FBN3: variants seen among roughly 807,000 people sequenced by gnomAD.
FBN3 encodes the protein fibrillin 3.
In FBN3, 234 loss-of-function variants were observed where a neutral mutation model predicts 330.1. That is an observed-to-expected ratio of 0.71 (90% CI 0.64 to 0.79). The LOEUF is 0.79. FBN3 is among the 30% of genes least tolerant of loss of function. FBN3 has a pLI of 0.00. For synonymous variants in FBN3, 1,458 were observed against 1,517.3 expected, an observed-to-expected ratio of 0.96 and a Z score of 0.91; for missense variants, 3,606 against 3,886.9, an observed-to-expected ratio of 0.93 and a Z score of 1.92.
Position 8,096,407 on chromosome 19 carries a change from C to T in FBN3, c.5539+37G>A, listed in dbSNP as rs768648578. 1 of 1,597,792 alleles carries T rather than the reference C, an allele frequency of 6.3e-7. No individual in the cohort carries two copies. Among genetic ancestry groups the T allele is most frequent in the Non-Finnish European group, 8.5e-7 (1 of 1,170,388 alleles). ...CAGGGGAGGTTTAGACCCCAGGCAG[C>T]CTGGCTTGAAAAGGAGGGGGAAGAT... On this transcript the variant is annotated intron_variant, in intron 44 of 63. Transcript: ENST00000600128. This position sits in a 1 kb window ranked among gnomAD's most constrained non-coding sequence, Gnocchi z 4.6.
intron 13 of FBN3, 25 bp downstream of exon 13, chr19:8,135,936 G>GGCCACCCCCCCC: frequency 1.5e-6 from 1 of 668,778 alleles, no homozygotes; most frequent in Non-Finnish European, 2.4e-6. Flanking sequence ...GGAAGCCCCT[G>GGCCACCCCCCCC]CCCACCCGCC....
intron 38 of FBN3, 78 bp from the exon 39 acceptor site, chr19:8,103,765 A>G: frequency 6.9e-7 from 1 of 1,442,812 alleles, no homozygotes. Flanking sequence ...CCAGAGACCC[A>G]GCAAGGCCAC....
chr19:8,116,019 A>G (rs1331928209), intron 29 of FBN3, among the ~76,000 whole-genome samples: 1 of 152,164 alleles, frequency 6.6e-6, no homozygotes, highest in African/African-American at 2.4e-5. Context: ...GGCATGGAGC[A>G]GACTGCATTC....
At chr19:8,088,301 C>T (rs1023971651) in intron 51 of FBN3, 122 bp from the exon 52 acceptor site, 1 of 1,241,466 alleles carries the variant, frequency 8.1e-7, no homozygotes, top group Non-Finnish European at 1.1e-6. Flanking sequence ...CACCTCTAGT[C>T]TGGCTATGGG....
intron 30 of FBN3, 74 bp downstream of exon 30, chr19:8,115,441 T>A (rs2082683988): frequency 1.3e-6 from 2 of 1,546,196 alleles, no homozygotes; most frequent in African/African-American, 2.7e-5. Context: ...CCCTGGGGGA[T>A]GGAAACAGAC....
At chr19:8,080,356 T>A (rs1430108489) in intron 59 of FBN3, among the ~76,000 whole-genome samples, 1 of 152,220 alleles carries the variant, frequency 6.6e-6, no homozygotes, top group Non-Finnish European at 1.5e-5. Flanking sequence ...GATGCCCTTG[T>A]GGCTTTAGCT....
intron 46 of FBN3, 67 bp from the exon 47 acceptor site, chr19:8,094,632 C>G (rs1271317612): frequency 6.5e-7 from 1 of 1,542,420 alleles, no homozygotes; most frequent in East Asian, 2.3e-5. Context: ...GGGACTGGGA[C>G]CAACACCTGC....
At chr19:8,074,857 A>C (rs2081602555) in intron 61 of FBN3, 1 of 542,244 alleles carries the variant, frequency 1.8e-6, no homozygotes, top group African/African-American at 1.9e-5. Context: ...CCAGGCCACC[A>C]TGCCCTAAGG....
In FBN3 at chr19:8,094,504, C is replaced by G. The variant is rs1444285781; in HGVS notation, c.5847G>C (p.Glu1949Asp). The G allele has an allele frequency of 2.5e-6, 4 of 1,613,912 alleles. No homozygotes were observed. Among genetic ancestry groups the G allele is most frequent in the Non-Finnish European group, 3.4e-6 (4 of 1,179,896 alleles). The change falls in exon 47 of 64, where the codon GAG becomes GAC. Residue 1949 changes from glutamate to aspartate, a missense_variant. Glu to Asp is a conservative substitution (Grantham distance 45, BLOSUM62 2). Transcript: ENST00000600128. ...GGGGACAGATGCAGCGGAAGGAGCCCTCGAGGTTCTGGCAAGTGCCGGGTA... is the reference window on the plus strand; with the variant it reads ...GGGGACAGATGCAGCGGAAGGAGCCGTCGAGGTTCTGGCAAGTGCCGGGTA... ...TCLPGTCQNL[E>D]GSFRCICPPG...
chr19:8,121,291 C>G lies in FBN3; in HGVS notation c.3178G>C (p.Glu1060Gln). 6.2e-7 allele frequency: 1 copy of G among 1,612,480 alleles called. No individual in the cohort carries two copies. The highest frequency in any genetic ancestry group is 1.1e-5 in the South Asian group (1 of 90,850). The change falls in exon 25 of 64, where the codon GAG becomes CAG. Residue 1060 changes from glutamate to glutamine, a missense_variant. Coordinates refer to ENST00000600128, the MANE Select transcript of FBN3 (RefSeq NM_032447.5). The surrounding 1 kb of genome is among the most constrained non-coding windows in gnomAD (Gnocchi z 4.5). ...TTCTTCATCAGCATGAAGCCACTCT[C>G]GTAGCCGGGAAAACACTCGCACTCA... ...SFECECFPGY[E>Q]SGFMLMKNCM...
intron 32 of FBN3, 126 bp downstream of exon 32, chr19:8,111,522 A>G: frequency 9.0e-7 from 1 of 1,106,028 alleles, no homozygotes. Context: ...CAGCCTCTCC[A>G]GCACCCACAG....
chr19:8,122,789 C>T (rs1423252340), intron 24 of FBN3, among the ~76,000 whole-genome samples: 1 of 151,906 alleles, frequency 6.6e-6, no homozygotes, highest in Non-Finnish European at 1.5e-5. Flanking sequence ...CTCAGCCTCC[C>T]GAGTAGCTGG....
intron 51 of FBN3, 129 bp from the exon 52 acceptor site, chr19:8,088,308 T>C (rs1004731958): frequency 1.7e-6 from 2 of 1,158,210 alleles, no homozygotes; most frequent in South Asian, 1.5e-5. Context: ...AGTCTGGCTA[T>C]GGGGCAGGCA....
At chr19:8,068,572 T>G (rs1417273854) in intron 63 of FBN3, among the ~76,000 whole-genome samples, 3 of 151,592 alleles carry the variant, frequency 2.0e-5, no homozygotes, top group Non-Finnish European at 2.9e-5. Flanking sequence ...TGGTGGTACA[T>G]GTACCTGTGG....
intron 16 of FBN3, among the ~76,000 whole-genome samples, chr19:8,130,028 G>A (rs2083087428): frequency 6.6e-6 from 1 of 151,948 alleles, no homozygotes; most frequent in South Asian, 2.1e-4. Context: ...CCCCCAAGTA[G>A]CTGGGATTAC....
chr19:8,097,337 C>A lies in FBN3; in HGVS notation c.5239G>T (p.Glu1747Ter), dbSNP rs199650269. The A allele has an allele frequency of 1.2e-6, 2 of 1,609,924 alleles. No individual in the cohort carries two copies. Among genetic ancestry groups the A allele is most frequent in the East Asian group, 2.2e-5 (1 of 44,726 alleles). Residue 1747 changes from glutamate to a stop codon, truncating the protein, a stop_gained, in exon 42 of 64, where the codon GAG becomes TAG. Coordinates refer to ENST00000600128, the MANE Select transcript of FBN3 (RefSeq NM_032447.5). LOFTEE classifies it high-confidence loss of function. ...TTGTAGTTGAAGCCTGCGGGGCACT[C>A]GCAGCGGAAACTCCCGATCTGGTTT... ...CINQIGSFRC[E>*]CPAGFNYNSI...
Position 8,107,014 on chromosome 19 carries a change from TG to T in FBN3, c.4688-782del, listed in dbSNP as rs549041963. ...GGGTGAATGCGGGCTAGATGAAGGA[TG>T]GGGGGTGGATGGATGGGTGAATGGA... On this transcript the variant is annotated intron_variant, in intron 37 of 63. Coordinates refer to ENST00000600128, the MANE Select transcript of FBN3 (RefSeq NM_032447.5). 2.4e-3 allele frequency among the ~76,000 whole-genome samples: 346 copies of T among 145,452 alleles called. 2 individuals are homozygous for T. Among genetic ancestry groups the T allele is most frequent in the African/African-American group, 8.4e-3 (327 of 38,906 alleles).
chr19:8,066,759 G>A (rs1249640966), intron 63 of FBN3, among the ~76,000 whole-genome samples: 3 of 152,078 alleles, frequency 2.0e-5, no homozygotes, highest in South Asian at 2.1e-4. Flanking sequence ...GGCGCCTGTA[G>A]TCCCAGCTAC....
At position 8,117,655 on chromosome 19, in the gene FBN3, C is replaced by T; in HGVS notation, c.3338-66G>A. The T allele has an allele frequency of 4.1e-6, 6 of 1,475,576 alleles. No homozygotes were observed. The Admixed American group carries it at 6.7e-5, about 17-fold the overall frequency. The allele number at this position is 1,475,576 out of a possible 1,614,324, so 91.4% of individuals were successfully genotyped here. On this transcript the variant is annotated intron_variant, in intron 26 of 63. Transcript: ENST00000600128. ...CTGCCGTCTGTGTGACCATGAGACA[C>T]ACTGGGGGCACACATGCATGCTAAG... is the stretch of plus-strand genomic sequence containing the variant.
Sources: allele counts gnomAD v4.1 joint callset (sites outside exome capture counted in the v4.1 genomes callset), GRCh38; gene constraint gnomAD v4.1.1; non-coding constraint Gnocchi (gnomAD v3.1); transcripts MANE v1.5; gene names NCBI Gene and HGNC (gene_info 2026-07-23, HGNC 2026-07-21).